DYRK1A: variants seen among roughly 807,000 people sequenced by gnomAD.
DYRK1A encodes the protein dual specificity tyrosine-phosphorylation-regulated kinase 1A.
A neutral mutation model predicts 79.7 loss-of-function variants in DYRK1A; 9 were observed. The ratio of observed to expected loss-of-function variants is 0.11; its 90% CI spans 0.07 to 0.20. The LOEUF (loss-of-function observed/expected upper bound fraction) is 0.20, where lower values mean the gene tolerates loss of function less well. Ranked by LOEUF, DYRK1A falls within the 10% of genes least tolerant of loss-of-function variation. DYRK1A has a pLI of 1.00. For synonymous variants in DYRK1A, 349 were observed against 329.7 expected (o/e 1.06, Z -0.63); for missense variants, 622 against 956.0 (o/e 0.65, Z 4.61).
At chr21:37,440,382 C>T (rs1462104623) in intron 2 of DYRK1A, among the ~76,000 whole-genome samples, 1 of 151,976 alleles carries the variant, frequency 6.6e-6, no homozygotes, top group African/African-American at 2.4e-5. Flanking sequence ...AGTGATCCGC[C>T]TGCCTCAGCC....
chr21:37,523,055 T>A lies in DYRK1A; in HGVS notation c.*10524T>A, dbSNP rs906499119. The A allele has an allele frequency of 1.3e-5, 2 of 152,336 alleles. No individual in the cohort carries two copies. The highest frequency in any genetic ancestry group is 2.9e-5 in the Non-Finnish European group (2 of 68,140). 9.4% of individuals were successfully genotyped at this position (152,336 alleles called of 1,614,324 possible). ...CTTCATCAATTCTTAGTATTATTTT[T>A]TAGGGATAGGGTCTTGCTGTGTTGC... On this transcript the variant is annotated 3_prime_UTR_variant, in exon 12 of 12. Transcript: ENST00000647188.
intron 1 of DYRK1A, among the ~76,000 whole-genome samples, chr21:37,416,868 C>G (rs1179394906): frequency 6.6e-6 from 1 of 151,918 alleles, no homozygotes; most frequent in African/African-American, 2.4e-5. Context: ...ATTTATATAA[C>G]ATATAAAATG....
chr21:37,386,592 C>G lies in DYRK1A; in HGVS notation c.-77+18964C>G, dbSNP rs182572355. 5.3e-5 allele frequency among the ~76,000 whole-genome samples: 8 copies of G among 150,210 alleles called. No individual in the cohort carries two copies. The East Asian group carries it at 1.5e-3, about 29-fold the overall frequency. ...TTAGCTGCTTCTTCAATTTACCTGT[C>G]TATTCTAAACAATGTGCTTGTTTTA... is the stretch of plus-strand genomic sequence containing the variant. On this transcript the variant is annotated intron_variant, in intron 1 of 11. Transcript: ENST00000647188.
intron 2 of DYRK1A, among the ~76,000 whole-genome samples, chr21:37,442,466 C>A (rs550702158): frequency 6.6e-6 from 1 of 152,146 alleles, no homozygotes. Context: ...GTTTTTATTG[C>A]TGTGTCTTCA....
Position 37,486,332 on chromosome 21 carries a change from C to T in DYRK1A, c.490-135C>T, listed in dbSNP as rs906761247. On this transcript the variant is annotated intron_variant, in intron 5 of 11. Transcript: ENST00000647188. ...ATAGAAATAGATGGCATCTCTTCTA[C>T]TTAGGAAGGTCAGAAAAATAATTAT... 2.4e-5 allele frequency: 15 copies of T among 612,904 alleles called. No homozygotes were observed. The African/African-American group carries it at 2.9e-4, about 12-fold the overall frequency. 38.0% of individuals were successfully genotyped at this position (612,904 alleles called of 1,614,324 possible). A position where few individuals can be genotyped will look rare whatever the true frequency, so the allele number is the denominator to read the frequency against.
chr21:37,372,317 TGCC>T (rs1181740682), intron 1 of DYRK1A, among the ~76,000 whole-genome samples: 105 of 150,534 alleles, frequency 7.0e-4, no homozygotes, highest in African/African-American at 2.3e-3. Flanking sequence ...GGTGTGTTAG[TGCC>T]ACCTGTAGTC....
At chr21:37,389,327 C>G (rs968727186) in intron 1 of DYRK1A, among the ~76,000 whole-genome samples, 5 of 150,996 alleles carry the variant, frequency 3.3e-5, no homozygotes, top group African/African-American at 1.2e-4. Context: ...CCATGCCCGA[C>G]TAATTTTTTA....
chr21:37,433,362 G>A (rs932892673), intron 2 of DYRK1A, among the ~76,000 whole-genome samples: 2 of 152,096 alleles, frequency 1.3e-5, no homozygotes, highest in African/African-American at 4.8e-5. Flanking sequence ...ATGTTTAAGA[G>A]GTGGACCAGG....
chr21:37,520,211 G>A lies in DYRK1A; in HGVS notation c.*7680G>A, dbSNP rs1305299047. ...TAGACCCTTGTGATCACGCATCCAG[G>A]GGCCAGTCCCCACCCTTTGCTCCCA... is the stretch of plus-strand genomic sequence containing the variant. On this transcript the variant is annotated 3_prime_UTR_variant, in exon 12 of 12. Coordinates refer to ENST00000647188, the MANE Select transcript of DYRK1A (RefSeq NM_001347721.2). 2.0e-5 allele frequency: 3 copies of A among 152,150 alleles called. No individual in the cohort carries two copies. Among genetic ancestry groups the A allele is most frequent in the African/African-American group, 7.2e-5 (3 of 41,414 alleles). The allele number at this position is 152,150 out of a possible 1,614,324, so 9.4% of individuals were successfully genotyped here. A position where few individuals can be genotyped will look rare whatever the true frequency, so the allele number is the denominator to read the frequency against.
At chr21:37,457,870 C>A (rs1358675580) in intron 2 of DYRK1A, among the ~76,000 whole-genome samples, 1 of 152,148 alleles carries the variant, frequency 6.6e-6, no homozygotes, top group African/African-American at 2.4e-5. Flanking sequence ...GCTGTGCCTG[C>A]TTTAGAAGAA....
chr21:37,458,214 G>T (rs149413506), intron 2 of DYRK1A, among the ~76,000 whole-genome samples: 1 of 150,830 alleles, frequency 6.6e-6, no homozygotes, highest in African/African-American at 2.4e-5. Context: ...CTGTAGGCAC[G>T]CTAGACAAAG....
chr21:37,367,943 TTCCTCC>T (rs923529993), intron 1 of DYRK1A: 105 of 159,208 alleles, frequency 6.6e-4, no homozygotes, highest in Non-Finnish European at 1.2e-3. Context: ...GGAGGTTGTC[TTCCTCC>T]TCCTCCTCCT....
intron 1 of DYRK1A, among the ~76,000 whole-genome samples, chr21:37,374,584 G>A (rs912562428): frequency 5.3e-5 from 8 of 151,458 alleles, no homozygotes; most frequent in African/African-American, 1.9e-4. Flanking sequence ...ACAGAGTCTC[G>A]CTCTGTCGCC....
rs1032968233 is a variant in DYRK1A at position 37,496,140 on chromosome 21, T to C, written c.1094T>C (p.Val365Ala). The C allele has an allele frequency of 1.9e-6, 3 of 1,612,360 alleles. No homozygotes were observed. The highest frequency in any genetic ancestry group is 2.5e-6 in the Non-Finnish European group (3 of 1,179,532). The change falls in exon 9 of 12, where the codon GTG (valine) becomes GCG (alanine). Residue 365 changes from valine (V) to alanine (A), a missense_variant. Coordinates refer to ENST00000647188, the MANE Select transcript of DYRK1A (RefSeq NM_001347721.2). ...CAGGTAGATCAGATGAATAAAATAG[T>C]GGAAGTTCTGGGTATTCCACCTGCT... ...ANEVDQMNKIVEVLGIPPAHI... is the reference protein window; with the variant it reads ...ANEVDQMNKIAEVLGIPPAHI...
At chr21:37,409,202 T>A (rs1189004208) in intron 1 of DYRK1A, among the ~76,000 whole-genome samples, 1 of 152,122 alleles carries the variant, frequency 6.6e-6, no homozygotes. Context: ...GAGGTAATAG[T>A]AATTTAAAAT....
intron 1 of DYRK1A, among the ~76,000 whole-genome samples, chr21:37,395,551 T>C (rs1358362751): frequency 6.6e-6 from 1 of 152,198 alleles, no homozygotes; most frequent in African/African-American, 2.4e-5. Context: ...AGAATACATT[T>C]AATTTATTGA....
chr21:37,413,812 A>T (rs1309276071), intron 1 of DYRK1A, among the ~76,000 whole-genome samples: 1 of 152,168 alleles, frequency 6.6e-6, no homozygotes, highest in African/African-American at 2.4e-5. Flanking sequence ...ATAAAAGAAC[A>T]TCCTTAAGCA....
At chr21:37,437,456 T>A (rs1178971464) in intron 2 of DYRK1A, among the ~76,000 whole-genome samples, 3 of 152,146 alleles carry the variant, frequency 2.0e-5, no homozygotes, top group Admixed American at 1.3e-4. Flanking sequence ...TAAAAGTTTT[T>A]AAAACAGCTT....
Position 37,512,291 on chromosome 21 carries a change from A to C in DYRK1A, c.2025A>C (p.Pro675=). 1.9e-6 allele frequency: 3 copies of C among 1,614,214 alleles called. No individual in the cohort carries two copies. Among genetic ancestry groups the C allele is most frequent in the Non-Finnish European group, 2.5e-6 (3 of 1,180,030 alleles). ...GCAATCAGGCCTACCAGAATCGCCC[A>C]GTGGCTGCTAATACCTTGGACTTTG... is the stretch of plus-strand genomic sequence containing the variant. ...NQGNQAYQNR[P]VAANTLDFGQ... Residue 675 remains proline (P), a synonymous_variant, in exon 12 of 12, where the codon CCA becomes CCC. Transcript: ENST00000647188.
Sources: gnomAD v4.1 joint callset for allele counts (sites outside exome capture counted in the v4.1 genomes callset) on GRCh38, gnomAD v4.1.1 for gene constraint, MANE v1.5 for transcripts, NCBI Gene and HGNC (gene_info 2026-07-23, HGNC 2026-07-21) for gene names.